Variants in NDST3 observed in about 807,000 individuals in gnomAD.
NDST3 encodes bifunctional heparan sulfate N-deacetylase/N-sulfotransferase 3.
NDST3 carries 58 observed loss-of-function variants against 96.1 expected under a neutral mutation model. The ratio of observed to expected loss-of-function variants is 0.60; its 90% confidence interval spans 0.49 to 0.75. The LOEUF (loss-of-function observed/expected upper bound fraction) is 0.75. Among genes scored for constraint, NDST3 ranks in the 30% least tolerant of loss-of-function variants. The pLI, the probability that NDST3 is intolerant of heterozygous loss-of-function variation, is 0.00. For missense variants in NDST3, 788 were observed against 1,034.2 expected, an observed-to-expected ratio of 0.76 and a Z score of 3.27; for synonymous variants, 333 against 359.7, an observed-to-expected ratio of 0.93 and a Z score of 0.84.
chr4:118,130,430 A>C (rs1732515954), intron 4 of NDST3, among the ~76,000 whole-genome samples: 1 of 152,196 alleles, frequency 6.6e-6, no homozygotes, highest in South Asian at 2.1e-4. Context: ...CACTGATTGC[A>C]TAAACACAGA....
chr4:118,173,826 T>C (rs193159553), intron 6 of NDST3, among the ~76,000 whole-genome samples: 23 of 152,308 alleles, frequency 1.5e-4, no homozygotes, highest in Admixed American at 1.3e-3. Context: ...TTTTGTTCAT[T>C]GGTTTGTCTT....
At chr4:118,214,832 T>C (rs1283677111) in intron 6 of NDST3, among the ~76,000 whole-genome samples, 5 of 152,058 alleles carry the variant, frequency 3.3e-5, no homozygotes, top group African/African-American at 1.2e-4. Flanking sequence ...TTGATAACCA[T>C]AGGAACAGTA....
At chr4:118,049,464 C>T (rs978672601) in intron 1 of NDST3, among the ~76,000 whole-genome samples, 2 of 151,268 alleles carry the variant, frequency 1.3e-5, no homozygotes, top group African/African-American at 2.4e-5. Flanking sequence ...TAAACACGAC[C>T]GATAGACCAC....
rs10031402 is a variant in NDST3 at position 118,218,464 on chromosome 4, C to A, written c.1540-6027C>A. Among the ~76,000 whole-genome samples, 1,027 of 152,194 alleles carry A rather than the reference C, an allele frequency of 6.7e-3. 12 individuals are homozygous for A. Among genetic ancestry groups the A allele is most frequent in the African/African-American group, 0.023 (966 of 41,536 alleles). On this transcript the variant is annotated intron_variant, in intron 6 of 13. Coordinates refer to ENST00000296499, the MANE Select transcript of NDST3 (RefSeq NM_004784.3). ...AACCACATGATTATCTCAATAGATG[C>A]AGAAAAGGCCTTCAATAAAATTCAA...
intron 5 of NDST3, among the ~76,000 whole-genome samples, chr4:118,139,488 T>C (rs980142245): frequency 2.6e-5 from 4 of 152,118 alleles, no homozygotes; most frequent in African/African-American, 7.2e-5. Context: ...CAGCAGACAG[T>C]TGATTACACA....
intron 13 of NDST3, 145 bp downstream of exon 13, chr4:118,253,746 G>C (rs1388559825): frequency 1.8e-6 from 1 of 552,404 alleles, no homozygotes; most frequent in Admixed American, 3.1e-5. Context: ...CAGGTAGGTT[G>C]CTTATTTTGA....
intron 6 of NDST3, among the ~76,000 whole-genome samples, chr4:118,220,136 A>T (rs1739442479): frequency 6.6e-6 from 1 of 152,124 alleles, no homozygotes; most frequent in African/African-American, 2.4e-5. Context: ...AAATCATTCT[A>T]CTATAAAGAC....
At chr4:118,178,503 G>T (rs1018721555) in intron 6 of NDST3, among the ~76,000 whole-genome samples, 3 of 151,976 alleles carry the variant, frequency 2.0e-5, no homozygotes, top group Non-Finnish European at 4.4e-5. Flanking sequence ...TATCGCATGT[G>T]TCAGAATTTT....
Position 118,105,597 on chromosome 4 carries a change from T to A in NDST3, c.1069+492T>A, listed in dbSNP as rs148729658. Among the ~76,000 whole-genome samples, 52 of 152,330 alleles carry A rather than the reference T, an allele frequency of 3.4e-4. No homozygotes were observed. The East Asian group carries it at 9.3e-3, about 27-fold the overall frequency. ...ATCCAGCTCATTTTGTACAATGTTA[T>A]TTTTGTTTCAGAAATATTACTGTCT... is the stretch of plus-strand genomic sequence containing the variant. On this transcript the variant is annotated intron_variant, in intron 3 of 13. Coordinates refer to ENST00000296499, the MANE Select transcript of NDST3 (RefSeq NM_004784.3).
rs574070809 is a variant in NDST3 at position 118,150,206 on chromosome 4, T to C, written c.1539+6522T>C. ...CATCAATGTTCATCAAGGATATTGG[T>C]CTAAAATTCTCTTTTTTGGATGTGT... is the stretch of plus-strand genomic sequence containing the variant. On this transcript the variant is annotated intron_variant, in intron 6 of 13. Transcript: ENST00000296499. Among the ~76,000 whole-genome samples, 3 of 152,226 alleles carry C rather than the reference T, an allele frequency of 2.0e-5. No individual in the cohort carries two copies. In the East Asian group the frequency reaches 5.8e-4, roughly 29 times the overall value.
intron 5 of NDST3, among the ~76,000 whole-genome samples, chr4:118,142,119 G>C (rs1218911432): frequency 6.6e-6 from 1 of 151,876 alleles, no homozygotes; most frequent in Non-Finnish European, 1.5e-5. Context: ...TTTGCATTTA[G>C]TTGTTTTTTG....
At chr4:118,122,728 G>C (rs1731707683) in intron 4 of NDST3, among the ~76,000 whole-genome samples, 1 of 152,184 alleles carries the variant, frequency 6.6e-6, no homozygotes, top group Non-Finnish European at 1.5e-5. Context: ...CAGTGAGAAA[G>C]ATTCTTGACT....
intron 2 of NDST3, among the ~76,000 whole-genome samples, chr4:118,061,524 C>T (rs965799622): frequency 1.3e-5 from 2 of 152,150 alleles, no homozygotes; most frequent in African/African-American, 4.8e-5. Context: ...TTTATTCACA[C>T]AGACCCAGTT....
chr4:118,153,245 C>A (rs1364672378), intron 6 of NDST3, among the ~76,000 whole-genome samples: 1 of 152,124 alleles, frequency 6.6e-6, no homozygotes, highest in Non-Finnish European at 1.5e-5. Context: ...CTAATTTTAT[C>A]ATTTTATTAT....
At chr4:118,069,141 C>A (rs1057005339) in intron 2 of NDST3, among the ~76,000 whole-genome samples, 1 of 100,894 alleles carries the variant, frequency 9.9e-6, no homozygotes, top group Admixed American at 1.4e-4. Flanking sequence ...ACCTGTGCAT[C>A]AGATCAGTCA....
intron 6 of NDST3, chr4:118,193,888 G>A: frequency 9.8e-7 from 1 of 1,025,552 alleles, no homozygotes; most frequent in South Asian, 1.3e-5. Flanking sequence ...ATTCTACCCA[G>A]GACACAATCC....
chr4:118,210,320 T>A, intron 6 of NDST3, among the ~76,000 whole-genome samples: 1 of 151,934 alleles, frequency 6.6e-6, no homozygotes. Context: ...AACTAATAAA[T>A]CCAAAGTATG....
At chr4:118,255,363 T>G (rs1742048811) in intron 13 of NDST3, among the ~76,000 whole-genome samples, 1 of 152,272 alleles carries the variant, frequency 6.6e-6, no homozygotes, top group East Asian at 1.9e-4. Context: ...TAGGAGGGAT[T>G]AGAGTGGGCA....
chr4:118,097,420 A>G (rs986984111), intron 2 of NDST3, among the ~76,000 whole-genome samples: 6 of 152,098 alleles, frequency 3.9e-5, no homozygotes, highest in Middle Eastern at 3.4e-3. Context: ...AAAAGGAAAA[A>G]CAACTCATAA....
Sources: gnomAD v4.1 joint callset for allele counts (sites outside exome capture counted in the v4.1 genomes callset) on GRCh38, gnomAD v4.1.1 for gene constraint, MANE v1.5 for transcripts, NCBI Gene and HGNC (gene_info 2026-07-23, HGNC 2026-07-21) for gene names.